The following ATP8A2 variants were observed in gnomAD, a reference collection of about 807,000 sequenced individuals.
ATP8A2 encodes the protein phospholipid-transporting ATPase IB.
Under a neutral mutation model 165.6 loss-of-function variants are expected in ATP8A2, and 100 were observed. That is an observed-to-expected ratio of 0.60 (90% CI 0.51 to 0.71). ATP8A2 has a LOEUF of 0.71. Ranked by LOEUF, ATP8A2 falls within the 30% of genes least tolerant of loss-of-function variation. The pLI is 0.00. For synonymous variants in ATP8A2, 543 were observed against 548.8 expected (o/e 0.99, Z 0.15); for missense variants, 1,227 against 1,479.5 (o/e 0.83, Z 2.80).
chr13:25,489,829 TA>T (rs1317609006), intron 2 of ATP8A2, among the ~76,000 whole-genome samples: 1 of 152,214 alleles, frequency 6.6e-6, no homozygotes, highest in Non-Finnish European at 1.5e-5. Context: ...ATATATAAAC[TA>T]CTCCTAAAAG....
chr13:25,960,289 G>GA (rs1237756262), intron 33 of ATP8A2, among the ~76,000 whole-genome samples: 1 of 152,190 alleles, frequency 6.6e-6, no homozygotes, highest in East Asian at 1.9e-4. Context: ...AGAGTGGGTT[G>GA]ACTCTTGGAT....
At chr13:25,417,256 G>A (rs996241928) in intron 1 of ATP8A2, among the ~76,000 whole-genome samples, 2 of 152,108 alleles carry the variant, frequency 1.3e-5, no homozygotes, top group Non-Finnish European at 2.9e-5. Flanking sequence ...TCTTCAGCCT[G>A]TTGGTGTAAC....
At chr13:25,548,484 A>T (rs1038995669) in intron 10 of ATP8A2, among the ~76,000 whole-genome samples, 17 of 152,118 alleles carry the variant, frequency 1.1e-4, no homozygotes, top group African/African-American at 1.2e-4. Context: ...GTTTATGATA[A>T]TTTTTTTCCT....
intron 2 of ATP8A2, among the ~76,000 whole-genome samples, chr13:25,495,163 T>C (rs1399297940): frequency 1.3e-5 from 2 of 152,290 alleles, no homozygotes; most frequent in African/African-American, 4.8e-5. Flanking sequence ...AACCTCCTGC[T>C]GCTGCCCTTC....
rs555261132 is a variant in ATP8A2, at chr13:25,871,208, T to C, written c.3183+8800T>C. The C allele has an allele frequency of 7.7e-5, 32 of 417,572 alleles. 1 individual carries two copies. Among genetic ancestry groups the C allele is most frequent in the South Asian group, 5.6e-4 (32 of 56,760 alleles). 25.9% of individuals were successfully genotyped at this position (417,572 alleles called of 1,614,324 possible). ...ATCTGTCAGCAAATTAAAGTACACA[T>C]TACATGCTGATTTTGTTTGTTTGTA... On this transcript the variant is annotated intron_variant, in intron 33 of 36. Transcript: ENST00000381655.
intron 36 of ATP8A2, among the ~76,000 whole-genome samples, chr13:26,018,524 G>A (rs1957032576): frequency 1.3e-5 from 2 of 152,208 alleles, no homozygotes; most frequent in Admixed American, 1.3e-4. Context: ...TGCATGGATG[G>A]AATTCAAGAT....
chr13:25,989,092 G>A (rs143979820), intron 35 of ATP8A2, among the ~76,000 whole-genome samples: 10 of 152,330 alleles, frequency 6.6e-5, no homozygotes, highest in Admixed American at 1.3e-4. Context: ...GAGGTTAATC[G>A]GTGGTGAAGC....
At chr13:25,412,038 T>C (rs1187080441) in intron 1 of ATP8A2, among the ~76,000 whole-genome samples, 1 of 152,200 alleles carries the variant, frequency 6.6e-6, no homozygotes, top group African/African-American at 2.4e-5. Flanking sequence ...TAAAGATTTG[T>C]AGGGAATGTT....
chr13:25,580,039 G>A (rs1187376922), intron 22 of ATP8A2, 92 bp downstream of exon 22: 14 of 1,411,136 alleles, frequency 9.9e-6, no homozygotes, highest in Non-Finnish European at 1.4e-5. Flanking sequence ...TTACTATGTA[G>A]GGATGTTCTC....
At position 25,880,239 on chromosome 13, in the gene ATP8A2, T is replaced by G. The variant is rs748532627; in HGVS notation, c.3183+17831T>G. Among the ~76,000 whole-genome samples the G allele has an allele frequency of 8.5e-4, 130 of 152,336 alleles. 1 individual carries two copies. Among genetic ancestry groups the G allele is most frequent in the Non-Finnish European group, 1.6e-3 (107 of 68,028 alleles). ...ATAACAATTTTCCTTTCCCTCACGCTTCCAAGAAAATCCAGCGGCTAATCC... is the reference window on the plus strand; with the variant it reads ...ATAACAATTTTCCTTTCCCTCACGCGTCCAAGAAAATCCAGCGGCTAATCC... On this transcript the variant is annotated intron_variant, in intron 33 of 36. Transcript: ENST00000381655.
At chr13:25,936,393 C>T (rs748951457) in intron 33 of ATP8A2, among the ~76,000 whole-genome samples, 2 of 152,168 alleles carry the variant, frequency 1.3e-5, no homozygotes, top group African/African-American at 4.8e-5. Flanking sequence ...ATTGTGGAGA[C>T]GCAGACAGGC....
At chr13:25,930,273 A>C (rs1954733591) in intron 33 of ATP8A2, among the ~76,000 whole-genome samples, 1 of 152,206 alleles carries the variant, frequency 6.6e-6, no homozygotes, top group Non-Finnish European at 1.5e-5. Flanking sequence ...ATGATGTAGA[A>C]TTATACTTAG....
At position 25,968,661 on chromosome 13, in the gene ATP8A2, G is replaced by C; in HGVS notation, c.3359G>C (p.Arg1120Pro). ...CGAGTCCTGGGAAAAGCGGTGCTGCGGGATAGCAATGGAAAGAGGTGGGGA... is the reference window on the plus strand; with the variant it reads ...CGAGTCCTGGGAAAAGCGGTGCTGCCGGATAGCAATGGAAAGAGGTGGGGA... Reference protein sequence around the residue: ...KSRVLGKAVLRDSNGKRLNER... With the variant: ...KSRVLGKAVLPDSNGKRLNER... Residue 1120 changes from arginine (R) to proline (P), a missense_variant, in exon 35 of 37, where the codon CGG becomes CCG. Physicochemically the swap from Arg to Pro is moderately radical, Grantham distance 103. This residue lies in a region of ATP8A2 where 260 missense variants were observed against 245.1 expected (regional missense o/e 1.06). Coordinates refer to ENST00000381655, the MANE Select transcript of ATP8A2 (RefSeq NM_016529.6). The C allele has an allele frequency of 6.2e-7, 1 of 1,613,376 alleles. No homozygotes were observed. The highest frequency in any genetic ancestry group is 8.5e-7 in the Non-Finnish European group (1 of 1,179,844).
chr13:25,982,264 A>G (rs1296912766), intron 35 of ATP8A2, among the ~76,000 whole-genome samples: 1 of 152,236 alleles, frequency 6.6e-6, no homozygotes, highest in Non-Finnish European at 1.5e-5. Context: ...CTAAGCTATC[A>G]TCTTTTCACC....
intron 16 of ATP8A2, among the ~76,000 whole-genome samples, chr13:25,565,948 GATTA>G (rs1251599724): frequency 2.0e-5 from 3 of 151,826 alleles, no homozygotes; most frequent in Admixed American, 6.6e-5. Flanking sequence ...GATGTAATAT[GATTA>G]ATTTTTTTTT....
At chr13:25,790,441 C>G (rs1000132443) in intron 27 of ATP8A2, among the ~76,000 whole-genome samples, 1 of 151,688 alleles carries the variant, frequency 6.6e-6, no homozygotes, top group Non-Finnish European at 1.5e-5. Flanking sequence ...CTTGTAATTC[C>G]AGCACTTTGG....
chr13:25,385,643 T>C (rs751217824), intron 1 of ATP8A2, among the ~76,000 whole-genome samples: 2 of 152,216 alleles, frequency 1.3e-5, no homozygotes, highest in Non-Finnish European at 2.9e-5. Flanking sequence ...TCGAATTTCA[T>C]GTGGATACAA....
chr13:25,455,339 A>G (rs913767552), intron 1 of ATP8A2, among the ~76,000 whole-genome samples: 1 of 152,238 alleles, frequency 6.6e-6, no homozygotes, highest in Non-Finnish European at 1.5e-5. Flanking sequence ...TATGTCAGAC[A>G]TTAGTGAGAG....
At chr13:25,780,049 A>G (rs1396487278) in intron 27 of ATP8A2, among the ~76,000 whole-genome samples, 1 of 152,222 alleles carries the variant, frequency 6.6e-6, no homozygotes, top group Non-Finnish European at 1.5e-5. Flanking sequence ...TTGTTTGTGG[A>G]CTTTCTGAAC....
Sources: allele counts gnomAD v4.1 joint callset (sites outside exome capture counted in the v4.1 genomes callset), GRCh38; gene constraint gnomAD v4.1.1; regional missense constraint gnomAD v4.1.1; transcripts MANE v1.5; gene names NCBI Gene and HGNC (gene_info 2026-07-23, HGNC 2026-07-21).